MLLT10: variants seen among roughly 807,000 people sequenced by gnomAD.
MLLT10 encodes MLLT10 histone lysine methyltransferase DOT1L cofactor.
In MLLT10, 30 loss-of-function variants were observed where a neutral mutation model predicts 129.1. The ratio of observed to expected loss-of-function variants is 0.23; its 90% confidence interval spans 0.17 to 0.32. The LOEUF is 0.32. MLLT10 is among the 10% of genes least tolerant of loss of function. The pLI, the probability that MLLT10 is intolerant of heterozygous loss-of-function variation, is 1.00. For synonymous variants in MLLT10, 490 were observed against 446.4 expected, an observed-to-expected ratio of 1.10 and a Z score of -1.23; for missense variants, 1,119 against 1,268.3, an observed-to-expected ratio of 0.88 and a Z score of 1.79.
intron 9 of MLLT10, among the ~76,000 whole-genome samples, chr10:21,667,589 T>C (rs1268841854): frequency 6.6e-6 from 1 of 152,026 alleles, no homozygotes; most frequent in Non-Finnish European, 1.5e-5. Flanking sequence ...AGTCTCAAGG[T>C]TGGCTTGGTA....
Position 21,630,717 on chromosome 10 carries a change from G to A in MLLT10, c.699+13510G>A, listed in dbSNP as rs964022722. On this transcript the variant is annotated intron_variant, in intron 8 of 22. Coordinates refer to ENST00000307729, the MANE Select transcript of MLLT10 (RefSeq NM_001195626.3). The stretch of plus-strand genomic sequence containing the variant: ...ATTAAAGTCCTCTGTGTCCAATGCA[G>A]GAGTCTTGTGTCATCTTCTACCAGC... Among the ~76,000 whole-genome samples, 5 of 152,310 alleles carry A rather than the reference G, an allele frequency of 3.3e-5. No homozygotes were observed. In the East Asian group the frequency reaches 9.6e-4, roughly 29 times the overall value.
rs1363892135 is a variant in MLLT10 at position 21,593,923 on chromosome 10, C to CT, written c.296-1405dup. On this transcript the variant is annotated intron_variant, in intron 4 of 22. Transcript: ENST00000307729. ...CCTGGGCGACAGACCAAGGCTTTGT[C>CT]TTTAAAAAAAAAAAAAAAAAAAAAA... Among the ~76,000 whole-genome samples, 275 of 41,096 alleles carry CT rather than the reference C, an allele frequency of 6.7e-3. 4 individuals are homozygous for CT. The highest frequency in any genetic ancestry group is 0.043 in the African/African-American group (254 of 5,910). 27.0% of individuals were successfully genotyped at this position (41,096 alleles called of 152,430 possible).
At chr10:21,674,468 T>C (rs2051857770) in intron 11 of MLLT10, among the ~76,000 whole-genome samples, 1 of 152,212 alleles carries the variant, frequency 6.6e-6, no homozygotes, top group African/African-American at 2.4e-5. Context: ...AGGAGATATC[T>C]GAAATGATTT....
intron 8 of MLLT10, among the ~76,000 whole-genome samples, chr10:21,618,087 T>C (rs1243187): frequency 0.24 from 37,008 of 152,224 alleles, 5,565 homozygotes; most frequent in Middle Eastern, 0.47. Context: ...TGGAAAAGAA[T>C]ATTTTTCTTA....
intron 4 of MLLT10, among the ~76,000 whole-genome samples, chr10:21,591,170 A>T (rs1225781978): frequency 6.6e-6 from 1 of 151,846 alleles, no homozygotes; most frequent in Non-Finnish European, 1.5e-5. Context: ...CGATCCTCCT[A>T]CCTTAGCCCC....
In MLLT10 at chr10:21,679,507, C is replaced by T. The variant is rs2052527775; in HGVS notation, c.1622-1825C>T. Among the ~76,000 whole-genome samples the T allele has an allele frequency of 2.6e-5, 4 of 152,092 alleles. 1 individual carries two copies. The highest frequency in any genetic ancestry group is 2.0e-4 in the Admixed American group (3 of 15,258). ...ATTAACCCATTTATGCTGGAGGTTG[C>T]GCTTTTTTGTGTGTGAAAAATCAGA... is the stretch of plus-strand genomic sequence containing the variant. On this transcript the variant is annotated intron_variant, in intron 11 of 22. Coordinates refer to ENST00000307729, the MANE Select transcript of MLLT10 (RefSeq NM_001195626.3).
At chr10:21,723,997 C>T (rs956195415) in intron 14 of MLLT10, among the ~76,000 whole-genome samples, 1 of 152,144 alleles carries the variant, frequency 6.6e-6, no homozygotes, top group African/African-American at 2.4e-5. Flanking sequence ...AAAATCTTAA[C>T]TGTATCTCTG....
intron 3 of MLLT10, chr10:21,541,409 A>T (rs987451243): frequency 6.6e-6 from 1 of 151,648 alleles, no homozygotes; most frequent in Admixed American, 6.6e-5. Flanking sequence ...TATTTTTGAG[A>T]CAGTCTCGCT....
chr10:21,576,033 TCACCTGTTTCAGC>T (rs1452053061), intron 3 of MLLT10, among the ~76,000 whole-genome samples: 2 of 151,902 alleles, frequency 1.3e-5, no homozygotes, highest in African/African-American at 4.8e-5. Flanking sequence ...TTCAAGCAGT[TCACCTGTTTCAGC>T]CACCCTAGTA....
chr10:21,681,974 A>G (rs2052783285), intron 12 of MLLT10, among the ~76,000 whole-genome samples: 1 of 152,262 alleles, frequency 6.6e-6, no homozygotes, highest in African/African-American at 2.4e-5. Flanking sequence ...TACTAAGGAA[A>G]TTATTGTCGT....
At chr10:21,718,971 C>A (rs1164221847) in intron 14 of MLLT10, among the ~76,000 whole-genome samples, 1 of 152,240 alleles carries the variant, frequency 6.6e-6, no homozygotes, top group East Asian at 1.9e-4. Flanking sequence ...ATCCACCCAC[C>A]TTGGCCTCCC....
intron 3 of MLLT10, among the ~76,000 whole-genome samples, chr10:21,556,356 G>T (rs1416741332): frequency 6.6e-6 from 1 of 152,150 alleles, no homozygotes; most frequent in African/African-American, 2.4e-5. Context: ...GATCTAGCGG[G>T]GTTCTTAGCT....
intron 9 of MLLT10, among the ~76,000 whole-genome samples, chr10:21,656,235 G>C (rs2131335535): frequency 6.6e-6 from 1 of 152,258 alleles, no homozygotes; most frequent in African/African-American, 2.4e-5. Flanking sequence ...TTGATGGAAA[G>C]ATAGGGATAG....
At chr10:21,674,410 G>A (rs530527041) in intron 11 of MLLT10, among the ~76,000 whole-genome samples, 2 of 152,132 alleles carry the variant, frequency 1.3e-5, no homozygotes, top group East Asian at 3.9e-4. Flanking sequence ...TTTTATATCA[G>A]TGATAAATGA....
At chr10:21,661,910 A>G (rs1383319714) in intron 9 of MLLT10, among the ~76,000 whole-genome samples, 3 of 152,020 alleles carry the variant, frequency 2.0e-5, no homozygotes, top group African/African-American at 7.2e-5. Flanking sequence ...TATCTACCAT[A>G]TTTATTATTA....
intron 8 of MLLT10, among the ~76,000 whole-genome samples, chr10:21,648,324 G>T (rs1031739688): frequency 6.6e-6 from 1 of 152,150 alleles, no homozygotes. Flanking sequence ...TATCACAGAG[G>T]ACCAGAGTTC....
chr10:21,641,549 C>T (rs1175637529), intron 8 of MLLT10, among the ~76,000 whole-genome samples: 4 of 152,074 alleles, frequency 2.6e-5, no homozygotes, highest in Admixed American at 6.6e-5. Flanking sequence ...ACAGCTACTC[C>T]GGAGGCTGAG....
At chr10:21,664,924 A>G (rs971634676) in intron 9 of MLLT10, among the ~76,000 whole-genome samples, 1 of 150,298 alleles carries the variant, frequency 6.7e-6, no homozygotes, top group Non-Finnish European at 1.5e-5. Context: ...TATATTTAAA[A>G]TAGGCTTCTT....
At chr10:21,551,601 C>T (rs2037044120) in intron 3 of MLLT10, among the ~76,000 whole-genome samples, 1 of 151,956 alleles carries the variant, frequency 6.6e-6, no homozygotes, top group East Asian at 1.9e-4. Flanking sequence ...TGAGAAAAGG[C>T]TAGCATAAGG....
Sources: gnomAD v4.1 joint callset for allele counts (sites outside exome capture counted in the v4.1 genomes callset) on GRCh38, gnomAD v4.1.1 for gene constraint, MANE v1.5 for transcripts, NCBI Gene and HGNC (gene_info 2026-07-23, HGNC 2026-07-21) for gene names.